Variants in SLC24A2 observed in about 807,000 individuals in gnomAD.
The protein encoded by SLC24A2 is solute carrier family 24 member 2, also known as sodium/potassium/calcium exchanger 2.
In SLC24A2, 36 loss-of-function variants were observed where a neutral mutation model predicts 62.0. The ratio of observed to expected loss-of-function variants is 0.58; its 90% CI spans 0.44 to 0.77. SLC24A2 has a LOEUF of 0.77. SLC24A2 is among the 30% of genes least tolerant of loss of function. The probability of loss-of-function intolerance (pLI) is 0.00; values close to 1 mark genes in which losing one functional copy is unlikely to be tolerated. For missense variants in SLC24A2, 846 were observed against 817.9 expected (o/e 1.03, Z -0.42); for synonymous variants, 358 against 294.0 (o/e 1.22, Z -2.23).
At chr9:20,192,510 A>G in the SLC24A2 span, among the ~76,000 whole-genome samples, 3 of 152,140 alleles carry the variant, frequency 2.0e-5, no homozygotes, top group African/African-American at 7.2e-5. Context: ...CTTATTAGAA[A>G]TGCAGATTCC....
At chr9:20,069,937 C>G in the SLC24A2 span, among the ~76,000 whole-genome samples, 8 of 152,158 alleles carry the variant, frequency 5.3e-5, no homozygotes, top group Non-Finnish European at 8.8e-5. Flanking sequence ...GTTTTAAAAA[C>G]CAAAACCATC....
intron 7 of SLC24A2, among the ~76,000 whole-genome samples, chr9:19,560,477 CCT>C (rs1835335199): frequency 6.6e-6 from 1 of 152,196 alleles, no homozygotes. Context: ...TCTATGTCCC[CCT>C]CTTTCCCCTC....
At chr9:20,135,836 C>G in the SLC24A2 span, among the ~76,000 whole-genome samples, 1 of 152,026 alleles carries the variant, frequency 6.6e-6, no homozygotes, top group African/African-American at 2.4e-5. Flanking sequence ...TGTGTTTTTC[C>G]TTTTCCAAAG....
At chr9:20,019,253 G>GAGAA in the SLC24A2 span, among the ~76,000 whole-genome samples, 21,100 of 109,298 alleles carry the variant, frequency 0.19, 2,366 homozygotes, top group Middle Eastern at 0.26. Flanking sequence ...AAGAAGGAAA[G>GAGAA]AGAAAGAAAG....
chr9:20,165,328 A>C, the SLC24A2 span, among the ~76,000 whole-genome samples: 8 of 151,904 alleles, frequency 5.3e-5, no homozygotes, highest in African/African-American at 1.9e-4. Flanking sequence ...TCATTTGGAA[A>C]AATAAACATA....
chr9:19,597,202 T>G, intron 5 of SLC24A2, 27 bp downstream of exon 5: 1 of 1,485,114 alleles, frequency 6.7e-7, no homozygotes, highest in South Asian at 1.1e-5. Flanking sequence ...AAAAAGCCAA[T>G]GCATACAATT....
At chr9:20,181,034 C>T in the SLC24A2 span, among the ~76,000 whole-genome samples, 1 of 151,988 alleles carries the variant, frequency 6.6e-6, no homozygotes, top group Non-Finnish European at 1.5e-5. Context: ...ATGTTCATGT[C>T]AAAAAGAAAT....
chr9:20,000,172 G>A, the SLC24A2 span, among the ~76,000 whole-genome samples: 5 of 152,230 alleles, frequency 3.3e-5, no homozygotes, highest in Non-Finnish European at 5.9e-5. Flanking sequence ...AAACTAGTAT[G>A]TATGGAAATG....
the SLC24A2 span, among the ~76,000 whole-genome samples, chr9:20,198,685 C>T: frequency 0.13 from 19,592 of 151,500 alleles, 1,389 homozygotes; most frequent in African/African-American, 0.19. Context: ...CTCTCTCTCT[C>T]CACCCCCACC....
the SLC24A2 span, among the ~76,000 whole-genome samples, chr9:20,302,516 T>A: frequency 2.0e-5 from 3 of 152,242 alleles, no homozygotes; most frequent in African/African-American, 7.2e-5. Flanking sequence ...TTATTTGCCA[T>A]CTGTATATCT....
At chr9:19,980,610 G>A in the SLC24A2 span, among the ~76,000 whole-genome samples, 1 of 152,068 alleles carries the variant, frequency 6.6e-6, no homozygotes, top group Admixed American at 6.6e-5. Flanking sequence ...AATATGAGGT[G>A]GTAAGATATT....
At chr9:20,242,076 C>T in the SLC24A2 span, among the ~76,000 whole-genome samples, 30 of 152,304 alleles carry the variant, frequency 2.0e-4, 1 homozygote, top group East Asian at 4.8e-3. Flanking sequence ...TGGACTAACG[C>T]GCCAGCAGGT....
At chr9:20,274,354 T>C in the SLC24A2 span, among the ~76,000 whole-genome samples, 4 of 152,158 alleles carry the variant, frequency 2.6e-5, no homozygotes, top group Non-Finnish European at 4.4e-5. Context: ...ATGAAAGGCA[T>C]TTTAGCTCGC....
At chr9:20,235,213 T>A in the SLC24A2 span, among the ~76,000 whole-genome samples, 2 of 152,190 alleles carry the variant, frequency 1.3e-5, no homozygotes. Flanking sequence ...TTCTCAGATC[T>A]CCAGCTGCGT....
At chr9:20,192,751 C>T in the SLC24A2 span, among the ~76,000 whole-genome samples, 1 of 152,128 alleles carries the variant, frequency 6.6e-6, no homozygotes, top group African/African-American at 2.4e-5. Flanking sequence ...GGGGCCTGGG[C>T]ATCAGTATTT....
the SLC24A2 span, among the ~76,000 whole-genome samples, chr9:20,260,982 AG>A: frequency 1.3e-5 from 2 of 150,970 alleles, no homozygotes; most frequent in African/African-American, 4.9e-5. Flanking sequence ...CAGCCTCTCG[AG>A]TACCTGGGAC....
At chr9:20,215,352 A>G in the SLC24A2 span, among the ~76,000 whole-genome samples, 1 of 152,246 alleles carries the variant, frequency 6.6e-6, no homozygotes, top group Non-Finnish European at 1.5e-5. Context: ...CATTCAGACC[A>G]TAGCACTAAG....
At chr9:19,980,795 T>C in the SLC24A2 span, among the ~76,000 whole-genome samples, 2 of 152,094 alleles carry the variant, frequency 1.3e-5, no homozygotes, top group African/African-American at 2.4e-5. Context: ...AGGACAAAAT[T>C]GTTGAGAGTT....
chr9:19,892,719 A>G, the SLC24A2 span, among the ~76,000 whole-genome samples: 2 of 151,298 alleles, frequency 1.3e-5, no homozygotes, highest in Non-Finnish European at 2.9e-5. Context: ...TCATGCCTAG[A>G]AAAATTTTTG....
Sources: gnomAD v4.1 joint callset for allele counts (sites outside exome capture counted in the v4.1 genomes callset) on GRCh38, gnomAD v4.1.1 for gene constraint, MANE v1.5 for transcripts, NCBI Gene and HGNC (gene_info 2026-07-23, HGNC 2026-07-21) for gene names.